Variants in CYTH3 observed in about 807,000 individuals in gnomAD.
CYTH3 encodes cytohesin 3.
A neutral mutation model predicts 55.1 loss-of-function variants in CYTH3; 23 were observed. The observed-to-expected ratio is 0.42, with a 90% CI of 0.30 to 0.59. The LOEUF is 0.59. Ranked by LOEUF, CYTH3 falls within the 20% of genes least tolerant of loss-of-function variation. The pLI, the probability that CYTH3 is intolerant of heterozygous loss-of-function variation, is 0.20. For missense variants in CYTH3, 413 were observed against 524.8 expected, an observed-to-expected ratio of 0.79 and a Z score of 2.08; for synonymous variants, 249 against 194.9, an observed-to-expected ratio of 1.28 and a Z score of -2.31.
intron 12 of CYTH3, 119 bp downstream of exon 12, chr7:6,165,154 G>T: frequency 6.4e-7 from 1 of 1,554,384 alleles, no homozygotes; most frequent in South Asian, 1.2e-5. Flanking sequence ...GGCCCTCTGG[G>T]GTTTCTGGAG....
At chr7:6,168,649 C>A (rs1392657424) in intron 9 of CYTH3, among the ~76,000 whole-genome samples, 2 of 152,226 alleles carry the variant, frequency 1.3e-5, no homozygotes, top group African/African-American at 4.8e-5. Context: ...CGCTTGGCAC[C>A]CGGCGCCCAG....
chr7:6,173,679 A>T lies in CYTH3; in HGVS notation c.423T>A (p.Ala141=), dbSNP rs1222193029. 6.2e-7 allele frequency: 1 copy of T among 1,612,364 alleles called. No homozygotes were observed. The highest frequency in any genetic ancestry group is 2.2e-5 in the East Asian group (1 of 44,886). The change falls in exon 6 of 13, where the codon GCT becomes GCA. Residue 141 remains alanine, a synonymous_variant. Coordinates refer to ENST00000350796, the MANE Select transcript of CYTH3 (RefSeq NM_004227.4). Reference sequence around the variant, plus strand: ...TTAAGGCTTGTACAAGGTTGAGATCAGCAAACTCATGGAGTTCAACAAAGG... The same window carrying T: ...TTAAGGCTTGTACAAGGTTGAGATCTGCAAACTCATGGAGTTCAACAAAGG... ...LQAFVELHEF[A]DLNLVQALRQ... is the part of the protein sequence containing the mutation.
intron 1 of CYTH3, among the ~76,000 whole-genome samples, chr7:6,234,899 T>G (rs1004698909): frequency 6.6e-6 from 1 of 152,174 alleles, no homozygotes; most frequent in Admixed American, 6.5e-5. Context: ...GTGGCCCAAG[T>G]TGGTAAAGAA....
intron 1 of CYTH3, among the ~76,000 whole-genome samples, chr7:6,264,559 C>G (rs1223978627): frequency 6.6e-6 from 1 of 152,176 alleles, no homozygotes; most frequent in Non-Finnish European, 1.5e-5. Context: ...TTGCAGTGAG[C>G]TGCGATCACA....
rs753388179 is a variant in CYTH3, at chr7:6,195,527, T to C, written c.35-4996A>G. On this transcript the variant is annotated intron_variant, in intron 1 of 12. Transcript: ENST00000350796. ...TGGAGTACAATGGCACGATCTGGGC[T>C]CACTGCAACCTCCACCTCCCAGGTT... 4.6e-5 allele frequency among the ~76,000 whole-genome samples: 7 copies of C among 152,274 alleles called. No individual in the cohort carries two copies. The South Asian group carries it at 8.3e-4, about 18-fold the overall frequency.
rs10280447 is a variant in CYTH3 at position 6,176,220 on chromosome 7, G to T, written c.368+1603C>A. On this transcript the variant is annotated intron_variant, in intron 5 of 12. Transcript: ENST00000350796. ...AGCTGTTTACTTAATATCTGTTTCA[G>T]TTTACTCATTGCTATTGTATAGAAA... Among the ~76,000 whole-genome samples, 10 of 135,374 alleles carry T rather than the reference G, an allele frequency of 7.4e-5. No homozygotes were observed. The South Asian group carries it at 1.7e-3, about 23-fold the overall frequency. 88.8% of individuals were successfully genotyped at this position (135,374 alleles called of 152,430 possible).
intron 1 of CYTH3, among the ~76,000 whole-genome samples, chr7:6,215,500 G>A (rs1784406138): frequency 1.3e-5 from 2 of 150,652 alleles, no homozygotes; most frequent in African/African-American, 4.9e-5. Flanking sequence ...TGAGGCAGGA[G>A]AATGGCGTGA....
rs1469919568 is a variant in CYTH3 at position 6,169,423 on chromosome 7, G to A, written c.823+1112C>T. Among the ~76,000 whole-genome samples the A allele has an allele frequency of 6.6e-6, 1 of 152,066 alleles. No homozygotes were observed. The highest frequency in any genetic ancestry group is 1.5e-5 in the Non-Finnish European group (1 of 68,000). On this transcript the variant is annotated intron_variant, in intron 9 of 12. Coordinates refer to ENST00000350796, the MANE Select transcript of CYTH3 (RefSeq NM_004227.4). The surrounding 1 kb of genome is among the most constrained non-coding windows in gnomAD (Gnocchi z 4.1). ...AGATGGGGTTTCACTATATTGCCCA[G>A]GTGGTCTGAAGCTCCTGGCCTAAGC...
chr7:6,251,328 C>CTT (rs377700661), intron 1 of CYTH3, among the ~76,000 whole-genome samples: 8,089 of 141,798 alleles, frequency 0.057, 288 homozygotes, highest in Non-Finnish European at 0.078. Flanking sequence ...TCAGACTATT[C>CTT]TTTTTTTTTT....
chr7:6,231,698 A>G (rs1320817570), intron 1 of CYTH3, among the ~76,000 whole-genome samples: 1 of 152,262 alleles, frequency 6.6e-6, no homozygotes, highest in Non-Finnish European at 1.5e-5. Context: ...ATCAATTCAT[A>G]GAAACAAATA....
chr7:6,259,452 A>G (rs1312191860), intron 1 of CYTH3, among the ~76,000 whole-genome samples: 1 of 151,982 alleles, frequency 6.6e-6, no homozygotes, highest in Non-Finnish European at 1.5e-5. Context: ...GTAAATCAAA[A>G]TATCTTCTTG....
At chr7:6,198,257 A>G (rs1361065034) in intron 1 of CYTH3, among the ~76,000 whole-genome samples, 1 of 152,244 alleles carries the variant, frequency 6.6e-6, no homozygotes, top group Non-Finnish European at 1.5e-5. Context: ...AGTATGTGAT[A>G]AAGTATTTCT....
chr7:6,259,751 TATATATTATATA>T (rs1181481317), intron 1 of CYTH3, among the ~76,000 whole-genome samples: 1 of 11,796 alleles, frequency 8.5e-5, no homozygotes, highest in East Asian at 1.3e-3. Context: ...ATAATATATA[TATATATTATATA>T]TATATATATT....
intron 1 of CYTH3, among the ~76,000 whole-genome samples, chr7:6,206,155 A>G (rs1784183200): frequency 6.6e-6 from 1 of 152,266 alleles, no homozygotes; most frequent in Non-Finnish European, 1.5e-5. Flanking sequence ...AAAAACCTGT[A>G]CATGAATGTT....
In CYTH3 at chr7:6,179,690, CCACA is replaced by C. The variant is rs1167804030; in HGVS notation, c.250-1753_250-1750del. ...CCACACACACACCACACACACCCCC[CCACA>C]CACACACCCCACACACACCCCACAC... On this transcript the variant is annotated intron_variant, in intron 4 of 12. Transcript: ENST00000350796. 1.7e-4 allele frequency among the ~76,000 whole-genome samples: 17 copies of C among 100,728 alleles called. No individual in the cohort carries two copies. The South Asian group carries it at 3.7e-3, about 22-fold the overall frequency. 66.1% of individuals were successfully genotyped at this position (100,728 alleles called of 152,430 possible).
chr7:6,210,965 C>T (rs1393386903), intron 1 of CYTH3, among the ~76,000 whole-genome samples: 2 of 152,190 alleles, frequency 1.3e-5, no homozygotes, highest in Non-Finnish European at 2.9e-5. Context: ...AATCGATATT[C>T]CGGAATTTTT....
chr7:6,212,952 G>A (rs991853650), intron 1 of CYTH3, among the ~76,000 whole-genome samples: 3 of 152,178 alleles, frequency 2.0e-5, no homozygotes, highest in African/African-American at 7.2e-5. Flanking sequence ...AGTGCACAAG[G>A]TTTCCAATTT....
intron 1 of CYTH3, among the ~76,000 whole-genome samples, chr7:6,206,306 G>A (rs2128548059): frequency 6.6e-6 from 1 of 152,346 alleles, no homozygotes; most frequent in African/African-American, 2.4e-5. Flanking sequence ...CTACAACACA[G>A]ATGAACTGAG....
chr7:6,187,640 T>A lies in CYTH3; in HGVS notation c.182+17A>T. On this transcript the variant is annotated intron_variant, in intron 3 of 12. Coordinates refer to ENST00000350796, the MANE Select transcript of CYTH3 (RefSeq NM_004227.4). The stretch of plus-strand genomic sequence containing the variant: ...GAAAAGAGTAAATAGCTTAAAGGTG[T>A]AGCCACAAATTGTTACCTCTCCTCT... The A allele has an allele frequency of 6.2e-7, 1 of 1,604,384 alleles. No homozygotes were observed. Among genetic ancestry groups the A allele is most frequent in the Non-Finnish European group, 8.5e-7 (1 of 1,171,050 alleles).
Sources: allele counts gnomAD v4.1 joint callset (sites outside exome capture counted in the v4.1 genomes callset), GRCh38; gene constraint gnomAD v4.1.1; non-coding constraint Gnocchi (gnomAD v3.1); transcripts MANE v1.5; gene names NCBI Gene and HGNC (gene_info 2026-07-23, HGNC 2026-07-21).